PAFAH1B2: variants seen among roughly 807,000 people sequenced by gnomAD.
PAFAH1B2 encodes platelet activating factor acetylhydrolase 1b catalytic subunit 2.
In PAFAH1B2, 8 loss-of-function variants were observed where a neutral mutation model predicts 28.0. The observed-to-expected ratio is 0.29, with a 90% CI of 0.17 to 0.52. PAFAH1B2 has a LOEUF of 0.52. PAFAH1B2 is among the 20% of genes least tolerant of loss of function. The pLI is 0.97. For missense variants in PAFAH1B2, 190 were observed against 282.6 expected, an observed-to-expected ratio of 0.67 and a Z score of 2.35; for synonymous variants, 104 against 103.2, an observed-to-expected ratio of 1.01 and a Z score of -0.05.
chr11:117,175,690 C>T, downstream of PAFAH1B2: 1 of 1,193,244 alleles, frequency 8.4e-7, no homozygotes, highest in Non-Finnish European at 1.1e-6. Context: ...GTTTTCTGGG[C>T]TCCACCTCCC....
At chr11:117,149,431 T>TTTTTTTTTTTTTG (rs1956093927) in intron 1 of PAFAH1B2, among the ~76,000 whole-genome samples, 1 of 29,578 alleles carries the variant, frequency 3.4e-5, no homozygotes, top group African/African-American at 1.3e-4. Flanking sequence ...TTTCTAATCG[T>TTTTTTTTTTTTTG]TTTTTTTTTT....
At chr11:117,173,735 A>G (rs1424929028), downstream of PAFAH1B2, among the ~76,000 whole-genome samples, 1 of 152,184 alleles carries the variant, frequency 6.6e-6, no homozygotes, top group African/African-American at 2.4e-5. Flanking sequence ...CTGTGTCTTT[A>G]ACTGATTCCC....
At chr11:117,156,391 A>G (rs906278758) in intron 2 of PAFAH1B2, among the ~76,000 whole-genome samples, 1 of 152,212 alleles carries the variant, frequency 6.6e-6, no homozygotes. Context: ...CAAATTATGT[A>G]CTTTCTTAAG....
At chr11:117,159,086 T>C (rs957632587) in intron 2 of PAFAH1B2, among the ~76,000 whole-genome samples, 3 of 152,224 alleles carry the variant, frequency 2.0e-5, no homozygotes, top group Non-Finnish European at 2.9e-5. Context: ...AAAATACTAT[T>C]AGTTGTTGAA....
chr11:117,175,419 C>T (rs1163294771), downstream of PAFAH1B2: 8 of 1,067,286 alleles, frequency 7.5e-6, no homozygotes, highest in Non-Finnish European at 9.1e-6. Flanking sequence ...TTCTGCAGAC[C>T]TGGGAACAGC....
intron 1 of PAFAH1B2, among the ~76,000 whole-genome samples, chr11:117,151,443 A>T (rs934042599): frequency 6.6e-6 from 1 of 151,988 alleles, no homozygotes. Flanking sequence ...GTTGGCCAGG[A>T]TGGTCTCAAT....
intron 2 of PAFAH1B2, among the ~76,000 whole-genome samples, chr11:117,157,866 G>C (rs773087353): frequency 6.6e-6 from 1 of 152,172 alleles, no homozygotes; most frequent in African/African-American, 2.4e-5. Context: ...GGTCTGGCAC[G>C]GTAGTTCACG....
chr11:117,158,794 G>T (rs1272308272), intron 2 of PAFAH1B2, among the ~76,000 whole-genome samples: 1 of 151,822 alleles, frequency 6.6e-6, no homozygotes, highest in Non-Finnish European at 1.5e-5. Context: ...ACAGGCACCC[G>T]CCACCACACC....
At chr11:117,161,098 C>A in intron 3 of PAFAH1B2, 47 bp from the exon 4 acceptor site, 1 of 1,221,944 alleles carries the variant, frequency 8.2e-7, no homozygotes, top group Non-Finnish European at 1.2e-6. Context: ...AAAGATTAAA[C>A]TTTCCCCTAG....
intron 2 of PAFAH1B2, among the ~76,000 whole-genome samples, chr11:117,154,422 T>A (rs761850722): frequency 7.8e-4 from 119 of 152,342 alleles, no homozygotes; most frequent in Non-Finnish European, 1.4e-3. Context: ...ACAAATATTT[T>A]AAAAATTTTT....
rs765482224 is a variant in PAFAH1B2, at chr11:117,168,884, G to A, written c.*1185G>A. The A allele has an allele frequency of 1.2e-4, 46 of 382,144 alleles. No homozygotes were observed. The highest frequency in any genetic ancestry group is 5.5e-4 in the Admixed American group (9 of 16,390). The allele number at this position is 382,144 out of a possible 1,614,324, so 23.7% of individuals were successfully genotyped here. A position where few individuals can be genotyped will look rare whatever the true frequency, so the allele number is the denominator to read the frequency against. ...TGGCTCACTGCAGCCTCCACCTCCC[G>A]AGTTCAAATGATTCTCCTGCCTCAG... is the stretch of plus-strand genomic sequence containing the variant. On this transcript the variant is annotated 3_prime_UTR_variant, in exon 6 of 6. Coordinates refer to ENST00000527958, the MANE Select transcript of PAFAH1B2 (RefSeq NM_002572.4).
chr11:117,148,357 A>G (rs993318253), intron 1 of PAFAH1B2, among the ~76,000 whole-genome samples: 2 of 152,004 alleles, frequency 1.3e-5, no homozygotes, highest in Admixed American at 6.6e-5. Context: ...CCCGGCCTCT[A>G]TGTAGTCTTT....
rs1021933101 is a variant in PAFAH1B2, at chr11:117,170,714, A to G, written c.*3015A>G. 2.5e-5 allele frequency: 26 copies of G among 1,061,024 alleles called. No homozygotes were observed. The African/African-American group carries it at 3.6e-4, about 15-fold the overall frequency. 65.7% of individuals were successfully genotyped at this position (1,061,024 alleles called of 1,614,324 possible). A position where few individuals can be genotyped will look rare whatever the true frequency, so the allele number is the denominator to read the frequency against. On this transcript the variant is annotated 3_prime_UTR_variant, in exon 6 of 6. Coordinates refer to ENST00000527958, the MANE Select transcript of PAFAH1B2 (RefSeq NM_002572.4). ...TTACAATTGTATGCTAAAGCCTGAAATATTGTCTGTGCTGTGGTGTATGAG... is the reference window on the plus strand; with the variant it reads ...TTACAATTGTATGCTAAAGCCTGAAGTATTGTCTGTGCTGTGGTGTATGAG...
chr11:117,144,580 G>T (rs1013176068), intron 1 of PAFAH1B2, among the ~76,000 whole-genome samples, 162 bp downstream of exon 1: 3 of 151,480 alleles, frequency 2.0e-5, no homozygotes, highest in South Asian at 2.1e-4. Flanking sequence ...GCGAGCGCGC[G>T]CCTTCTCTGC....
At chr11:117,157,070 A>G (rs926986662) in intron 2 of PAFAH1B2, among the ~76,000 whole-genome samples, 1 of 151,682 alleles carries the variant, frequency 6.6e-6, no homozygotes, top group African/African-American at 2.4e-5. Context: ...TTGGTACTAC[A>G]GTACCTGCAA....
chr11:117,174,709 C>T (rs1310617121), downstream of PAFAH1B2, among the ~76,000 whole-genome samples: 2 of 152,102 alleles, frequency 1.3e-5, no homozygotes, highest in African/African-American at 2.4e-5. Flanking sequence ...AATTCCTGAT[C>T]TCAGGTGATC....
At chr11:117,149,016 C>T (rs1225590996) in intron 1 of PAFAH1B2, among the ~76,000 whole-genome samples, 1 of 148,770 alleles carries the variant, frequency 6.7e-6, no homozygotes, top group African/African-American at 2.5e-5. Context: ...TACAGGCACG[C>T]ACCACAACAC....
chr11:117,157,181 T>C (rs1484417805), intron 2 of PAFAH1B2, among the ~76,000 whole-genome samples: 1 of 152,108 alleles, frequency 6.6e-6, no homozygotes, highest in Non-Finnish European at 1.5e-5. Flanking sequence ...ATAGTAATTT[T>C]TAAAATACGT....
chr11:117,165,222 G>A (rs930462071), intron 5 of PAFAH1B2, among the ~76,000 whole-genome samples: 1 of 150,994 alleles, frequency 6.6e-6, no homozygotes, highest in Non-Finnish European at 1.5e-5. Flanking sequence ...AAAGTGCTGC[G>A]ATTACAGACG....
Sources: gnomAD v4.1 joint callset for allele counts (sites outside exome capture counted in the v4.1 genomes callset) on GRCh38, gnomAD v4.1.1 for gene constraint, MANE v1.5 for transcripts, NCBI Gene and HGNC (gene_info 2026-07-23, HGNC 2026-07-21) for gene names.